Variants in OR2T1 observed in about 807,000 individuals in gnomAD.
OR2T1 encodes olfactory receptor family 2 subfamily T member 1, also known as olfactory receptor 2T1.
For missense variants in OR2T1, 440 were observed against 390.2 expected, an observed-to-expected ratio of 1.13 and a Z score of -1.07; for synonymous variants, 186 against 145.4, an observed-to-expected ratio of 1.28 and a Z score of -2.01.
At position 248,406,888 on chromosome 1, in the gene OR2T1, G is replaced by A. The variant is rs1372285302; in HGVS notation, c.741G>A (p.Val247=). 1 of 1,613,994 alleles carries A rather than the reference G, an allele frequency of 6.2e-7. No individual in the cohort carries two copies. Among genetic ancestry groups the A allele is most frequent in the African/African-American group, 1.3e-5 (1 of 74,926 alleles). The change falls in exon 2 of 2, where the codon GTG becomes GTA. Residue 247 remains valine (V), a synonymous_variant. Coordinates refer to ENST00000642005, the MANE Select transcript of OR2T1 (RefSeq NM_030904.2). ...FATCSSHMTV[V]SLFYGAAMYT... Reference sequence around the variant, plus strand: ...CTTGCTCATCCCACATGACTGTGGTGTCCTTGTTCTACGGGGCTGCCATGT... The same window carrying A: ...CTTGCTCATCCCACATGACTGTGGTATCCTTGTTCTACGGGGCTGCCATGT...
In OR2T1 at chr1:248,407,155, G is replaced by A. The variant is rs776215034; in HGVS notation, c.*51G>A. On this transcript the variant is annotated 3_prime_UTR_variant, in exon 2 of 2. Transcript: ENST00000642005. ...GTAAATGGGGGACTCTGTGGTCACT[G>A]TGGCTGTGCTTTCATCAAAAGATGA... The A allele has an allele frequency of 6.7e-6, 10 of 1,491,680 alleles. No individual in the cohort carries two copies. The highest frequency in any genetic ancestry group is 3.7e-4 in the Middle Eastern group (2 of 5,382). 92.4% of individuals were successfully genotyped at this position (1,491,680 alleles called of 1,614,324 possible). A position where few individuals can be genotyped will look rare whatever the true frequency, so the allele number is the denominator to read the frequency against.
chr1:248,405,934 A>C, intron 1 of OR2T1, 181 bp from the exon 2 acceptor site: 1 of 1,382,470 alleles, frequency 7.2e-7, no homozygotes, highest in Non-Finnish European at 9.9e-7. Flanking sequence ...TTATTGATTA[A>C]TAATGACCAA....
At chr1:248,403,663 C>T (rs1258374413) in intron 1 of OR2T1, among the ~76,000 whole-genome samples, 1 of 152,064 alleles carries the variant, frequency 6.6e-6, no homozygotes, top group Non-Finnish European at 1.5e-5. Context: ...TGTACTAAAC[C>T]ATAGCAAAGC....
intron 1 of OR2T1, among the ~76,000 whole-genome samples, chr1:248,404,144 A>C (rs1290321818): frequency 0.011 from 1 of 90 alleles, no homozygotes; most frequent in Non-Finnish European, 0.056. Flanking sequence ...ATTTCCAAAA[A>C]TCATCGGTGA....
At position 248,403,747 on chromosome 1, in the gene OR2T1, A is replaced by T. The variant is rs59138986; in HGVS notation, c.-34+502A>T. 5.9e-3 allele frequency among the ~76,000 whole-genome samples: 896 copies of T among 152,262 alleles called. 9 individuals carry two copies. The highest frequency in any genetic ancestry group is 0.021 in the African/African-American group (858 of 41,540). The stretch of plus-strand genomic sequence containing the variant: ...TGCTCACTCTAGTGAGAGAGCAGAT[A>T]ATAAATTTAACAAAACATTTTACTT... On this transcript the variant is annotated intron_variant, in intron 1 of 1. Transcript: ENST00000642005.
rs149877116 is a variant in OR2T1, at chr1:248,406,300, T to A, written c.153T>A (p.Asp51Glu). The change falls in exon 2 of 2, where the codon GAT becomes GAA. Residue 51 changes from aspartate to glutamate, a missense_variant. Asp to Glu is a conservative substitution (Grantham distance 45). Transcript: ENST00000642005. Reference sequence around the variant, plus strand: ...TTATGATCTTCCTGATCCAAACAGATTTGCGCCTTCATACACCCATGTACT... The same window carrying A: ...TTATGATCTTCCTGATCCAAACAGAATTGCGCCTTCATACACCCATGTACT... ...NGVMIFLIQT[D>E]LRLHTPMYFL... 4.3e-6 allele frequency: 7 copies of A among 1,614,118 alleles called. No homozygotes were observed. Among genetic ancestry groups the A allele is most frequent in the Non-Finnish European group, 5.9e-6 (7 of 1,180,004 alleles).
chr1:248,404,245 G>GGGCGCTATTACATAT, intron 1 of OR2T1, among the ~76,000 whole-genome samples: 2 of 150,962 alleles, frequency 1.3e-5, no homozygotes, highest in African/African-American at 4.9e-5. Flanking sequence ...AGACAGCAGA[G>GGGCGCTATTACATAT]ACCACTGTTT....
At position 248,406,823 on chromosome 1, in the gene OR2T1, T is replaced by C; in HGVS notation, c.676T>C (p.Cys226Arg). 1.2e-6 allele frequency: 2 copies of C among 1,614,172 alleles called. No homozygotes were observed. Among genetic ancestry groups the C allele is most frequent in the Non-Finnish European group, 1.7e-6 (2 of 1,180,018 alleles). ...SYARILTTVQCMSSVEGRKKA... is the reference protein window; with the variant it reads ...SYARILTTVQRMSSVEGRKKA... Reference sequence around the variant, plus strand: ...TGCCCGAATCCTGACTACAGTTCAGTGCATGAGCTCAGTGGAGGGCAGGAA... The same window carrying C: ...TGCCCGAATCCTGACTACAGTTCAGCGCATGAGCTCAGTGGAGGGCAGGAA... The change falls in exon 2 of 2, where the codon TGC (cysteine) becomes CGC (arginine). Residue 226 changes from cysteine to arginine, a missense_variant. By Grantham distance (180) the Cys-to-Arg change is radical. Transcript: ENST00000642005.
intron 1 of OR2T1, among the ~76,000 whole-genome samples, chr1:248,405,275 C>A (rs1035034635): frequency 1.3e-5 from 2 of 152,072 alleles, no homozygotes; most frequent in Non-Finnish European, 2.9e-5. Flanking sequence ...GTATAAAACA[C>A]ACTCAGTTTT....
At chr1:248,404,170 G>C (rs938836473) in intron 1 of OR2T1, among the ~76,000 whole-genome samples, 3 of 54 alleles carry the variant, frequency 0.056, no homozygotes, top group Non-Finnish European at 0.21. Flanking sequence ...ACCTCAATAT[G>C]TATGTCCCTG....
chr1:248,405,386 T>G (rs922311734), intron 1 of OR2T1, among the ~76,000 whole-genome samples: 1 of 152,192 alleles, frequency 6.6e-6, no homozygotes, highest in Admixed American at 6.6e-5. Context: ...TGAATATTAA[T>G]TGCTAATACT....
Position 248,406,682 on chromosome 1 carries a change from G to A in OR2T1, c.535G>A (p.Glu179Lys), listed in dbSNP as rs973084385. 4.3e-6 allele frequency: 7 copies of A among 1,614,116 alleles called. No homozygotes were observed. Among genetic ancestry groups the A allele is most frequent in the Non-Finnish European group, 5.1e-6 (6 of 1,179,996 alleles). The change falls in exon 2 of 2, where the codon GAG (glutamate) becomes AAG (lysine). Residue 179 changes from glutamate to lysine, a missense_variant. By Grantham distance (56) the Glu-to-Lys change is moderately conservative. Transcript: ENST00000642005. ...CCGGGAGATTAACCACTTCTTCTGTGAGGCACCAGCAGTCCTGAAGTTGGC... is the reference window on the plus strand; with the variant it reads ...CCGGGAGATTAACCACTTCTTCTGTAAGGCACCAGCAGTCCTGAAGTTGGC... ...NSREINHFFCEAPAVLKLACA... is the reference protein window; with the variant it reads ...NSREINHFFCKAPAVLKLACA...
chr1:248,404,828 A>G (rs1661521985), intron 1 of OR2T1, among the ~76,000 whole-genome samples: 1 of 152,100 alleles, frequency 6.6e-6, no homozygotes, highest in South Asian at 2.1e-4. Flanking sequence ...TGCCATGTGT[A>G]TGAATATATA....
rs920257052 is a variant in OR2T1 at position 248,407,753 on chromosome 1, C to A, written c.*649C>A. On this transcript the variant is annotated 3_prime_UTR_variant, in exon 2 of 2. Transcript: ENST00000642005. The stretch of plus-strand genomic sequence containing the variant: ...TGGAGGGTGGCATGTCCCAACTCCA[C>A]AGAGGCAGAAGCTCTTATGCTCTTC... 1.3e-5 allele frequency: 2 copies of A among 152,298 alleles called. No homozygotes were observed. The highest frequency in any genetic ancestry group is 2.9e-5 in the Non-Finnish European group (2 of 68,098). 9.4% of individuals were successfully genotyped at this position (152,298 alleles called of 1,614,324 possible). A position where few individuals can be genotyped will look rare whatever the true frequency, so the allele number is the denominator to read the frequency against.
At chr1:248,404,363 A>C (rs538884661) in intron 1 of OR2T1, among the ~76,000 whole-genome samples, 1 of 147,182 alleles carries the variant, frequency 6.8e-6, no homozygotes, top group African/African-American at 2.5e-5. Context: ...AATACTGCTA[A>C]TATTTAGGCT....
intron 1 of OR2T1, among the ~76,000 whole-genome samples, chr1:248,405,224 G>A (rs911222279): frequency 2.0e-5 from 3 of 152,106 alleles, no homozygotes; most frequent in Admixed American, 1.3e-4. Flanking sequence ...CTTCCATGAA[G>A]TTTGTTGTGG....
chr1:248,406,592 T>C lies in OR2T1; in HGVS notation c.445T>C (p.Phe149Leu), dbSNP rs1177594737. Residue 149 changes from phenylalanine (F) to leucine (L), a missense_variant, in exon 2 of 2, where the codon TTT becomes CTT. Phe to Leu is a conservative substitution (Grantham distance 22). Coordinates refer to ENST00000642005, the MANE Select transcript of OR2T1 (RefSeq NM_030904.2). ...TTGGATGATTATAGCAGGTTCCTGG[T>C]TTGGGGGCTCTTTGGATGGCTTCCT... ...VCWMIIAGSW[F>L]GGSLDGFLLT... 2 of 1,614,150 alleles carry C rather than the reference T, an allele frequency of 1.2e-6. No homozygotes were observed. The highest frequency in any genetic ancestry group is 1.7e-6 in the Non-Finnish European group (2 of 1,179,996).
In OR2T1 at chr1:248,406,323, A is replaced by ACTTC; in HGVS notation, c.179_182dup (p.Leu62ProfsTer9). 1 of 1,614,128 alleles carries ACTTC rather than the reference A, an allele frequency of 6.2e-7. No individual in the cohort carries two copies. The highest frequency in any genetic ancestry group is 8.5e-7 in the Non-Finnish European group (1 of 1,179,988). On this transcript the variant is annotated frameshift_variant, in exon 2 of 2. Coordinates refer to ENST00000642005, the MANE Select transcript of OR2T1 (RefSeq NM_030904.2). LOFTEE classifies it low-confidence loss of function (END_TRUNC). Reference sequence around the variant, plus strand: ...GATTTGCGCCTTCATACACCCATGTACTTCCTCCTCAGCCACCTTTCCTTA... The same window carrying ACTTC: ...GATTTGCGCCTTCATACACCCATGTACTTCCTTCCTCCTCAGCCACCTTTCCTTA...
At chr1:248,405,909 A>G (rs1661543951) in intron 1 of OR2T1, 6 of 1,107,096 alleles carry the variant, frequency 5.4e-6, no homozygotes, top group Non-Finnish European at 7.8e-6. Flanking sequence ...CATCTTCTCC[A>G]ATGTATTTAA....
Sources: gnomAD v4.1 joint callset for allele counts (sites outside exome capture counted in the v4.1 genomes callset) on GRCh38, gnomAD v4.1.1 for gene constraint, MANE v1.5 for transcripts, NCBI Gene and HGNC (gene_info 2026-07-23, HGNC 2026-07-21) for gene names.